The following SGCZ variants were observed in gnomAD, a reference collection of about 807,000 sequenced individuals.
SGCZ encodes the protein zeta-sarcoglycan.
Under a neutral mutation model 41.3 loss-of-function variants are expected in SGCZ, and 40 were observed. The ratio of observed to expected loss-of-function variants is 0.97; its 90% CI spans 0.75 to 1.26. The LOEUF (loss-of-function observed/expected upper bound fraction) is 1.26. SGCZ is among the 50% of genes most tolerant of loss of function. The pLI is 0.00. For synonymous variants in SGCZ, 206 were observed against 137.5 expected (o/e 1.50, Z -3.49); for missense variants, 552 against 369.8 (o/e 1.49, Z -4.04).
At chr8:14,972,555 T>C (rs1801336656) in intron 1 of SGCZ, among the ~76,000 whole-genome samples, 1 of 152,188 alleles carries the variant, frequency 6.6e-6, no homozygotes, top group East Asian at 1.9e-4. Flanking sequence ...TTGTTTGTTT[T>C]CTATTTGTTC....
At chr8:14,267,618 C>G (rs1338665017) in intron 3 of SGCZ, among the ~76,000 whole-genome samples, 2 of 151,924 alleles carry the variant, frequency 1.3e-5, no homozygotes, top group African/African-American at 4.8e-5. Context: ...TTTTTGTTGT[C>G]ACTGTTTTAC....
chr8:15,057,067 T>C (rs537618345), intron 1 of SGCZ, among the ~76,000 whole-genome samples: 2 of 152,292 alleles, frequency 1.3e-5, no homozygotes, highest in South Asian at 2.1e-4. Flanking sequence ...GTGCCCTTAA[T>C]TGGGTGCACA....
intron 2 of SGCZ, among the ~76,000 whole-genome samples, chr8:14,483,425 G>A (rs1801587952): frequency 6.6e-6 from 1 of 152,156 alleles, no homozygotes; most frequent in Non-Finnish European, 1.5e-5. Flanking sequence ...TAAAAAATTA[G>A]CTGGGCATGG....
chr8:14,666,648 T>A (rs74917479), intron 1 of SGCZ, among the ~76,000 whole-genome samples: 8 of 133,868 alleles, frequency 6.0e-5, no homozygotes, highest in African/African-American at 2.0e-4. Context: ...AGTACCCTAA[T>A]AGAGAGACAA....
At chr8:14,183,011 CAAA>C (rs34038057) in intron 4 of SGCZ, among the ~76,000 whole-genome samples, 48 of 83,748 alleles carry the variant, frequency 5.7e-4, no homozygotes, top group African/African-American at 1.4e-3. Flanking sequence ...AACTCCGTCT[CAAA>C]AAAAAAAAAA....
intron 1 of SGCZ, among the ~76,000 whole-genome samples, chr8:15,214,902 A>C (rs1469855118): frequency 2.0e-5 from 3 of 152,210 alleles, no homozygotes; most frequent in African/African-American, 7.2e-5. Context: ...TCACTTAGAC[A>C]GAAAAGCGAA....
intron 2 of SGCZ, among the ~76,000 whole-genome samples, chr8:14,476,088 C>A (rs543905697): frequency 6.6e-6 from 1 of 152,018 alleles, no homozygotes; most frequent in East Asian, 1.9e-4. Context: ...TACTGGTGTG[C>A]TGGCCTGATG....
At chr8:14,984,831 T>C (rs1801778438) in intron 1 of SGCZ, among the ~76,000 whole-genome samples, 1 of 152,160 alleles carries the variant, frequency 6.6e-6, no homozygotes, top group African/African-American at 2.4e-5. Context: ...TAGTTTAGCA[T>C]TTTGTGTTTT....
intron 1 of SGCZ, among the ~76,000 whole-genome samples, chr8:14,821,083 C>T (rs1484609194): frequency 6.6e-6 from 1 of 151,488 alleles, no homozygotes; most frequent in Non-Finnish European, 1.5e-5. Context: ...TTAAGATAGA[C>T]AACAAAAATA....
At chr8:14,172,489 G>GCGCCA (rs1313108697) in intron 4 of SGCZ, among the ~76,000 whole-genome samples, 4 of 152,162 alleles carry the variant, frequency 2.6e-5, no homozygotes, top group African/African-American at 9.7e-5. Context: ...AGCACGAACG[G>GCGCCA]CGCCATGCCT....
intron 2 of SGCZ, among the ~76,000 whole-genome samples, chr8:14,348,424 C>T (rs1401197977): frequency 1.3e-5 from 2 of 152,044 alleles, no homozygotes; most frequent in African/African-American, 2.4e-5. Context: ...GTTACAGGAT[C>T]AATAAATGTC....
chr8:14,607,669 T>C (rs537664542), intron 1 of SGCZ, among the ~76,000 whole-genome samples: 1 of 151,776 alleles, frequency 6.6e-6, no homozygotes, highest in East Asian at 1.9e-4. Context: ...AAAATAGAGA[T>C]AGAAAGTAGT....
chr8:14,593,325 T>C (rs1805299386), intron 1 of SGCZ, among the ~76,000 whole-genome samples: 1 of 152,114 alleles, frequency 6.6e-6, no homozygotes. Flanking sequence ...CCAAGAAATG[T>C]AGGCTGACTT....
At chr8:14,180,349 C>T (rs1038278588) in intron 4 of SGCZ, among the ~76,000 whole-genome samples, 1 of 152,084 alleles carries the variant, frequency 6.6e-6, no homozygotes, top group Admixed American at 6.5e-5. Context: ...AGTGCTTGGA[C>T]CTATCCACTC....
chr8:14,506,854 C>G (rs1242951540), intron 2 of SGCZ, among the ~76,000 whole-genome samples: 1 of 152,172 alleles, frequency 6.6e-6, no homozygotes, highest in Non-Finnish European at 1.5e-5. Context: ...TCCTATTTAG[C>G]TTAGCCAGCC....
intron 1 of SGCZ, among the ~76,000 whole-genome samples, chr8:14,785,743 A>T (rs934721596): frequency 6.6e-6 from 1 of 152,190 alleles, no homozygotes; most frequent in Non-Finnish European, 1.5e-5. Context: ...CAAATAAACA[A>T]ATTCACACGG....
At chr8:14,137,963 C>T (rs1328582396) in intron 5 of SGCZ, among the ~76,000 whole-genome samples, 1 of 152,204 alleles carries the variant, frequency 6.6e-6, no homozygotes, top group Non-Finnish European at 1.5e-5. Context: ...GGAAGCCCAT[C>T]AGACTAACAG....
At chr8:15,078,475 G>C (rs1452687702) in intron 1 of SGCZ, among the ~76,000 whole-genome samples, 2 of 151,782 alleles carry the variant, frequency 1.3e-5, no homozygotes, top group Non-Finnish European at 2.9e-5. Context: ...TCTTCTATTT[G>C]CATACTTACT....
chr8:14,573,350 A>G (rs558007150), intron 1 of SGCZ, among the ~76,000 whole-genome samples: 4 of 149,902 alleles, frequency 2.7e-5, no homozygotes, highest in South Asian at 2.2e-4. Context: ...GGAGCCCTCC[A>G]TCGCGCCCGG....
Sources: gnomAD v4.1 joint callset for allele counts (sites outside exome capture counted in the v4.1 genomes callset) on GRCh38, gnomAD v4.1.1 for gene constraint, MANE v1.5 for transcripts, NCBI Gene and HGNC (gene_info 2026-07-23, HGNC 2026-07-21) for gene names.